DLC1: variants seen among roughly 807,000 people sequenced by gnomAD.
DLC1 encodes the protein rho GTPase-activating protein 7.
A neutral mutation model predicts 140.3 loss-of-function variants in DLC1; 54 were observed. That is an observed-to-expected ratio of 0.38 (90% CI 0.31 to 0.48). The LOEUF (loss-of-function observed/expected upper bound fraction) is 0.48, where lower values mean the gene tolerates loss of function less well. Among genes scored for constraint, DLC1 ranks in the 20% least tolerant of loss-of-function variants. DLC1 has a pLI of 0.96. For missense variants in DLC1, 2,536 were observed against 1,907.0 expected (o/e 1.33, Z -6.14); for synonymous variants, 986 against 728.1 (o/e 1.35, Z -5.70).
intron 5 of DLC1, among the ~76,000 whole-genome samples, chr8:13,218,503 C>A (rs961534103): frequency 2.0e-5 from 3 of 151,746 alleles, no homozygotes; most frequent in African/African-American, 4.8e-5. Context: ...GATGATAATG[C>A]CTAACATACA....
intron 8 of DLC1, among the ~76,000 whole-genome samples, chr8:13,101,263 A>G (rs1303197743): frequency 6.6e-6 from 1 of 152,160 alleles, no homozygotes; most frequent in African/African-American, 2.4e-5. Context: ...TTAACAGGAG[A>G]GTGCCTGACC....
At chr8:13,259,593 T>G (rs1830399640) in intron 5 of DLC1, among the ~76,000 whole-genome samples, 1 of 152,198 alleles carries the variant, frequency 6.6e-6, no homozygotes, top group African/African-American at 2.4e-5. Context: ...TCTCCAAATC[T>G]GTCTTATTTC....
intron 2 of DLC1, among the ~76,000 whole-genome samples, chr8:13,497,837 G>A (rs1033996682): frequency 1.3e-5 from 2 of 152,312 alleles, no homozygotes; most frequent in African/African-American, 4.8e-5. Context: ...GGAAGTGAGA[G>A]TCTGCCAGAA....
At chr8:13,173,094 A>G (rs1000186450) in intron 5 of DLC1, among the ~76,000 whole-genome samples, 4 of 152,176 alleles carry the variant, frequency 2.6e-5, no homozygotes, top group African/African-American at 9.7e-5. Flanking sequence ...TCTTAAACTT[A>G]ACATATCTTT....
Position 13,100,082 on chromosome 8 carries a change from G to C in DLC1, c.2255C>G (p.Ala752Gly), listed in dbSNP as rs760604715. ...SSSSQSETSS[A>G]VSTPSPVTRT... The stretch of plus-strand genomic sequence containing the variant: ...CGTAACAGGGCTGGGCGTGCTGACC[G>C]CGCTGCTGGTCTCCGACTGGCTGCT... The change falls in exon 9 of 18, where the codon GCG (alanine) becomes GGG (glycine). Residue 752 changes from alanine to glycine, a missense_variant. By Grantham distance (60) the Ala-to-Gly change is moderately conservative. Coordinates refer to ENST00000276297, the MANE Select transcript of DLC1 (RefSeq NM_182643.3). The C allele has an allele frequency of 2.4e-5, 39 of 1,613,484 alleles. 1 individual carries two copies. In the Admixed American group the frequency reaches 6.2e-4, roughly 26 times the overall value.
chr8:13,293,522 G>A (rs529724780), intron 5 of DLC1, among the ~76,000 whole-genome samples: 14 of 152,148 alleles, frequency 9.2e-5, no homozygotes, highest in East Asian at 3.9e-4. Flanking sequence ...TGTTTCATCT[G>A]CCAAATAAAC....
rs1340369957 is a variant in DLC1 at position 13,558,669 on chromosome 8, A to G, written c.-126+45868T>C. The G allele has an allele frequency of 3.3e-5, 5 of 152,206 alleles. No individual in the cohort carries two copies. The East Asian group carries it at 9.6e-4, about 29-fold the overall frequency. 9.4% of individuals were successfully genotyped at this position (152,206 alleles called of 1,614,324 possible). A position where few individuals can be genotyped will look rare whatever the true frequency, so the allele number is the denominator to read the frequency against. On this transcript the variant is annotated intron_variant, in intron 1 of 1. Transcript: ENST00000631382. ...AATTACATAATACCTTATGATAATA[A>G]TATGTTTAAATATAACAAATGGGTC... is the stretch of plus-strand genomic sequence containing the variant.
intron 4 of DLC1, among the ~76,000 whole-genome samples, chr8:13,358,623 TTAAA>T (rs1224076038): frequency 3.9e-5 from 6 of 152,268 alleles, no homozygotes; most frequent in Admixed American, 6.5e-5. Flanking sequence ...TTTGTCTTTC[TTAAA>T]TAACCCCATC....
intron 2 of DLC1, among the ~76,000 whole-genome samples, chr8:13,456,389 A>G (rs1233201465): frequency 6.6e-6 from 1 of 151,972 alleles, no homozygotes; most frequent in Non-Finnish European, 1.5e-5. Flanking sequence ...TATGTGCTAC[A>G]TTTCTTTCTT....
chr8:13,115,435 AGC>A (rs1820465690), intron 6 of DLC1, 149 bp downstream of exon 6: 1 of 698,492 alleles, frequency 1.4e-6, no homozygotes, highest in South Asian at 2.6e-5. Flanking sequence ...TTTTGTTTTC[AGC>A]GGTGGGGGTC....
intron 4 of DLC1, among the ~76,000 whole-genome samples, chr8:13,365,994 A>G (rs896707444): frequency 6.6e-6 from 1 of 152,192 alleles, no homozygotes; most frequent in African/African-American, 2.4e-5. Context: ...AAAGACTAGG[A>G]CTTTAGAAGG....
intron 5 of DLC1, among the ~76,000 whole-genome samples, chr8:13,119,910 T>TAAAAAA (rs1461327135): frequency 1.2e-4 from 18 of 149,572 alleles, no homozygotes; most frequent in African/African-American, 4.4e-4. Context: ...AGTGAGACTC[T>TAAAAAA]ATCTAAAAAA....
chr8:13,594,813 A>C (rs966872499), intron 1 of DLC1, among the ~76,000 whole-genome samples: 1 of 152,040 alleles, frequency 6.6e-6, no homozygotes, highest in African/African-American at 2.4e-5. Context: ...AAGTTAGAAG[A>C]AATGATCTAA....
At chr8:13,255,712 A>G (rs1258848157) in intron 5 of DLC1, among the ~76,000 whole-genome samples, 1 of 151,810 alleles carries the variant, frequency 6.6e-6, no homozygotes, top group Non-Finnish European at 1.5e-5. Flanking sequence ...TATTAACCCA[A>G]TCTCACCCCA....
At chr8:13,466,673 T>G (rs1450134703) in intron 2 of DLC1, among the ~76,000 whole-genome samples, 1 of 152,146 alleles carries the variant, frequency 6.6e-6, no homozygotes, top group Non-Finnish European at 1.5e-5. Flanking sequence ...GCCACTGTAC[T>G]AAGAGAAACT....
intron 2 of DLC1, among the ~76,000 whole-genome samples, chr8:13,414,488 A>T (rs1837956007): frequency 1.3e-5 from 2 of 152,156 alleles, no homozygotes; most frequent in Non-Finnish European, 2.9e-5. Flanking sequence ...ACTCATCGGG[A>T]TTGCAGTTTT....
At chr8:13,468,961 C>T (rs1251204320) in intron 2 of DLC1, among the ~76,000 whole-genome samples, 2 of 151,914 alleles carry the variant, frequency 1.3e-5, no homozygotes, top group Admixed American at 6.6e-5. Context: ...GCTGGGACTG[C>T]AGGCATGCGC....
chr8:13,276,125 A>G, intron 5 of DLC1: 1 of 1,273,004 alleles, frequency 7.9e-7, no homozygotes, highest in Non-Finnish European at 1.0e-6. Flanking sequence ...GACCGAACAC[A>G]CTGCCATGAC....
At chr8:13,556,310 A>G (rs1585271067) in intron 1 of DLC1, among the ~76,000 whole-genome samples, 1 of 152,164 alleles carries the variant, frequency 6.6e-6, no homozygotes, top group East Asian at 1.9e-4. Flanking sequence ...ACAAAATCCT[A>G]GAGTGTGGCA....
Sources: allele counts gnomAD v4.1 joint callset (sites outside exome capture counted in the v4.1 genomes callset), GRCh38; gene constraint gnomAD v4.1.1; transcripts MANE v1.5; gene names NCBI Gene and HGNC (gene_info 2026-07-23, HGNC 2026-07-21).